AUTS2: variants seen among roughly 807,000 people sequenced by gnomAD.
AUTS2 encodes the protein autism susceptibility gene 2 protein.
In AUTS2, 17 loss-of-function variants were observed where a neutral mutation model predicts 112.4. That is an observed-to-expected ratio of 0.15 (90% CI 0.10 to 0.23). AUTS2 has a LOEUF of 0.23. AUTS2 is among the 10% of genes least tolerant of loss of function. The pLI is 1.00. For synonymous variants in AUTS2, 751 were observed against 702.7 expected (o/e 1.07, Z -1.09); for missense variants, 1,510 against 1,701.6 (o/e 0.89, Z 1.98).
At chr7:70,357,224 C>A (rs1792052743) in intron 4 of AUTS2, among the ~76,000 whole-genome samples, 1 of 152,152 alleles carries the variant, frequency 6.6e-6, no homozygotes, top group African/African-American at 2.4e-5. Context: ...TTCACACTGC[C>A]AGGCTTTGTG....
chr7:70,315,630 A>G (rs12374873), intron 4 of AUTS2, among the ~76,000 whole-genome samples: 44,145 of 152,012 alleles, frequency 0.29, 6,728 homozygotes, highest in African/African-American at 0.38. Context: ...AGAAATAACT[A>G]TCCCTTTTTC....
At chr7:70,520,790 A>G (rs1799611255) in intron 5 of AUTS2, among the ~76,000 whole-genome samples, 1 of 152,184 alleles carries the variant, frequency 6.6e-6, no homozygotes, top group South Asian at 2.1e-4. Flanking sequence ...ATGAATGTTA[A>G]ACTGAGAAGC....
At chr7:69,885,656 G>T (rs1794241860) in intron 1 of AUTS2, among the ~76,000 whole-genome samples, 1 of 152,230 alleles carries the variant, frequency 6.6e-6, no homozygotes, top group African/African-American at 2.4e-5. Flanking sequence ...TGTGTTGCCA[G>T]TTGCTGATTT....
At chr7:69,933,284 G>A (rs1357731492) in intron 2 of AUTS2, among the ~76,000 whole-genome samples, 1 of 152,012 alleles carries the variant, frequency 6.6e-6, no homozygotes, top group Non-Finnish European at 1.5e-5. Context: ...TGCTTTAAAG[G>A]GTTAAAATAA....
intron 5 of AUTS2, among the ~76,000 whole-genome samples, chr7:70,630,289 T>G (rs1805189553): frequency 1.3e-5 from 2 of 152,056 alleles, no homozygotes; most frequent in Admixed American, 1.3e-4. Flanking sequence ...ATCATCATTT[T>G]CATCTCGGTT....
At chr7:70,132,610 C>T (rs1047510388) in intron 3 of AUTS2, among the ~76,000 whole-genome samples, 1 of 152,150 alleles carries the variant, frequency 6.6e-6, no homozygotes, top group Non-Finnish European at 1.5e-5. Flanking sequence ...GTCAGACCTG[C>T]ATAAACAATA....
intron 2 of AUTS2, among the ~76,000 whole-genome samples, chr7:69,994,205 T>G (rs1798852985): frequency 6.6e-6 from 1 of 152,194 alleles, no homozygotes; most frequent in African/African-American, 2.4e-5. Flanking sequence ...CACCCCAGCC[T>G]GGGCAATAGA....
intron 1 of AUTS2, among the ~76,000 whole-genome samples, chr7:69,839,120 C>T (rs1008852392): frequency 1.3e-5 from 2 of 152,156 alleles, no homozygotes; most frequent in African/African-American, 2.4e-5. Flanking sequence ...AAAGGCCTTC[C>T]TGAGTGTATG....
chr7:70,075,121 T>G lies in AUTS2; in HGVS notation c.523-43011T>G, dbSNP rs373615108. Among the ~76,000 whole-genome samples, 55 of 152,338 alleles carry G rather than the reference T, an allele frequency of 3.6e-4. 1 individual carries two copies. In the South Asian group the frequency reaches 0.011, roughly 31 times the overall value. On this transcript the variant is annotated intron_variant, in intron 2 of 18. Transcript: ENST00000342771. Reference sequence around the variant, plus strand: ...CCTGTATTTTGCTTTCAGCTTCTGCTTAGAGGAGCTGGCTCCATCCAGAAC... The same window carrying G: ...CCTGTATTTTGCTTTCAGCTTCTGCGTAGAGGAGCTGGCTCCATCCAGAAC...
intron 2 of AUTS2, among the ~76,000 whole-genome samples, chr7:70,050,859 G>A (rs1182772193): frequency 6.6e-6 from 1 of 152,258 alleles, no homozygotes; most frequent in South Asian, 2.1e-4. Context: ...GCTGGGTGTG[G>A]TGGTGTGCTC....
intron 1 of AUTS2, among the ~76,000 whole-genome samples, chr7:69,707,561 A>G (rs1029041072): frequency 6.6e-6 from 1 of 152,236 alleles, no homozygotes; most frequent in African/African-American, 2.4e-5. Context: ...TATCTTAATC[A>G]TTAGATTTAT....
intron 5 of AUTS2, among the ~76,000 whole-genome samples, chr7:70,489,885 A>T (rs1174921884): frequency 5.3e-5 from 8 of 152,234 alleles, no homozygotes; most frequent in Admixed American, 3.9e-4. Flanking sequence ...AAATATTTAG[A>T]AATTAAACAA....
chr7:70,215,831 A>C (rs1372989720), intron 4 of AUTS2, among the ~76,000 whole-genome samples: 1 of 152,184 alleles, frequency 6.6e-6, no homozygotes, highest in Non-Finnish European at 1.5e-5. Flanking sequence ...AGAGGTCATA[A>C]GCTCATAAAA....
intron 4 of AUTS2, among the ~76,000 whole-genome samples, chr7:70,425,256 G>A (rs1795384784): frequency 6.6e-6 from 1 of 152,214 alleles, no homozygotes; most frequent in Non-Finnish European, 1.5e-5. Context: ...TTTACTTTGA[G>A]TGTTGGAGAA....
intron 1 of AUTS2, among the ~76,000 whole-genome samples, chr7:69,688,686 T>G (rs1319642743): frequency 6.6e-6 from 1 of 152,226 alleles, no homozygotes; most frequent in African/African-American, 2.4e-5. Context: ...TATTGTTAAC[T>G]ATAGTCATCT....
intron 4 of AUTS2, among the ~76,000 whole-genome samples, chr7:70,284,963 C>T (rs1788389130): frequency 6.6e-6 from 1 of 152,216 alleles, no homozygotes; most frequent in Admixed American, 6.5e-5. Flanking sequence ...CTTTCCTCTG[C>T]ATGTGCAGCT....
chr7:70,078,478 C>T (rs1803143749), intron 2 of AUTS2, among the ~76,000 whole-genome samples: 1 of 152,170 alleles, frequency 6.6e-6, no homozygotes, highest in South Asian at 2.1e-4. Flanking sequence ...AGGGGTACTA[C>T]TGTACTTCTG....
chr7:70,364,407 A>C (rs753918791), intron 4 of AUTS2, among the ~76,000 whole-genome samples: 6 of 151,872 alleles, frequency 4.0e-5, no homozygotes, highest in Non-Finnish European at 8.8e-5. Context: ...TACTAAAAAT[A>C]CAAAAAAAAT....
chr7:70,501,557 C>A (rs1239827643), intron 5 of AUTS2, among the ~76,000 whole-genome samples: 1 of 152,102 alleles, frequency 6.6e-6, no homozygotes, highest in Non-Finnish European at 1.5e-5. Context: ...GTGGAACTTA[C>A]CCTCAGGCCC....
Sources: allele counts gnomAD v4.1 joint callset (sites outside exome capture counted in the v4.1 genomes callset), GRCh38; gene constraint gnomAD v4.1.1; transcripts MANE v1.5; gene names NCBI Gene and HGNC (gene_info 2026-07-23, HGNC 2026-07-21).